The following ITGA3 variants were observed in gnomAD, a reference collection of about 807,000 sequenced individuals.
ITGA3 encodes integrin subunit alpha 3.
In ITGA3, 70 loss-of-function variants were observed where a neutral mutation model predicts 131.1. The ratio of observed to expected loss-of-function variants is 0.53; its 90% confidence interval spans 0.44 to 0.65. ITGA3 has a LOEUF of 0.65. Ranked by LOEUF, ITGA3 falls within the 30% of genes least tolerant of loss-of-function variation. The probability of loss-of-function intolerance (pLI) is 0.00; values close to 1 mark genes in which losing one functional copy is unlikely to be tolerated. For synonymous variants in ITGA3, 537 were observed against 571.6 expected (o/e 0.94, Z 0.86); for missense variants, 1,098 against 1,388.6 (o/e 0.79, Z 3.33).
intron 23 of ITGA3, chr17:50,086,680 C>T (rs887275656): frequency 8.0e-6 from 1 of 124,398 alleles, no homozygotes; most frequent in African/African-American, 2.9e-5. Flanking sequence ...CAGAGCAAAA[C>T]TCCATCTCAA....
rs1302532746 is a variant in ITGA3 at position 50,090,276 on chromosome 17, C to G, written c.*1198C>G. 1 of 456,310 alleles carries G rather than the reference C, an allele frequency of 2.2e-6. No homozygotes were observed. Among genetic ancestry groups the G allele is most frequent in the Non-Finnish European group, 4.4e-6 (1 of 226,882 alleles). 28.3% of individuals were successfully genotyped at this position (456,310 alleles called of 1,614,324 possible). On this transcript the variant is annotated 3_prime_UTR_variant, in exon 26 of 26. Transcript: ENST00000320031. ...TTTCAGAGCCAGCCTGGCTCTGCCC[C>G]CTCCCCCATGGGCTGTGTCCTAAGG...
chr17:50,078,765 C>T, intron 18 of ITGA3, 59 bp from the exon 19 acceptor site: 1 of 998,042 alleles, frequency 1.0e-6, no homozygotes, highest in East Asian at 2.4e-5. Context: ...TGCCCACCCC[C>T]CTCTGCCAGG....
intron 25 of ITGA3, 122 bp from the exon 26 acceptor site, chr17:50,088,988 C>T (rs935351410): frequency 1.1e-5 from 8 of 725,220 alleles, no homozygotes; most frequent in South Asian, 6.3e-5. Context: ...AGATGGGATG[C>T]GTTTCGGTCA....
chr17:50,070,038 G>T (rs1388079215), intron 4 of ITGA3, among the ~76,000 whole-genome samples: 1 of 152,170 alleles, frequency 6.6e-6, no homozygotes, highest in East Asian at 1.9e-4. Context: ...CCCCTCTTCT[G>T]GTCCTGCCTC....
chr17:50,061,130 G>C (rs1280576809), intron 1 of ITGA3, among the ~76,000 whole-genome samples: 1 of 152,104 alleles, frequency 6.6e-6, no homozygotes, highest in Non-Finnish European at 1.5e-5. Flanking sequence ...AATACTCTGG[G>C]GGGGTGAAGC....
At chr17:50,057,135 G>T (rs1186907579) in intron 1 of ITGA3, among the ~76,000 whole-genome samples, 2 of 152,238 alleles carry the variant, frequency 1.3e-5, no homozygotes, top group Non-Finnish European at 2.9e-5. Flanking sequence ...CTTCTCAACC[G>T]CTGGCTTGGC....
In ITGA3 at chr17:50,068,161, A is replaced by G. The variant is rs771415485; in HGVS notation, c.520A>G (p.Ser174Gly). 2 of 1,614,230 alleles carry G rather than the reference A, an allele frequency of 1.2e-6. No individual in the cohort carries two copies. Among genetic ancestry groups the G allele is most frequent in the South Asian group, 1.1e-5 (1 of 91,088 alleles). Residue 174 changes from serine (S) to glycine (G), a missense_variant, in exon 4 of 26, where the codon AGT (serine) becomes GGT (glycine). This residue lies in a region of ITGA3 where 356 missense variants were observed against 529.2 expected (regional missense o/e 0.67). Coordinates refer to ENST00000320031, the MANE Select transcript of ITGA3 (RefSeq NM_002204.4). ...VRGNDLELDSSDDWQTYHNEM... is the reference protein window; with the variant it reads ...VRGNDLELDSGDDWQTYHNEM... The stretch of plus-strand genomic sequence containing the variant: ...AGGCAATGACCTAGAGCTGGACTCC[A>G]GTGATGACTGGCAGACCTACCACAA...
At position 50,056,459 on chromosome 17, in the gene ITGA3, G is replaced by C; in HGVS notation, c.20G>C (p.Arg7Pro). MGPGPS[R>P]APRAPRLMLC... ...GCAGCCATGGGCCCCGGCCCCAGCCGCGCGCCCCGCGCCCCACGCCTGATG... is the reference window on the plus strand; with the variant it reads ...GCAGCCATGGGCCCCGGCCCCAGCCCCGCGCCCCGCGCCCCACGCCTGATG... The change falls in exon 1 of 26, where the codon CGC becomes CCC. Residue 7 changes from arginine (R) to proline (P), a missense_variant. By Grantham distance (103) the Arg-to-Pro change is moderately radical (BLOSUM62 -2). Coordinates refer to ENST00000320031, the MANE Select transcript of ITGA3 (RefSeq NM_002204.4). This position sits in a 1 kb window ranked among gnomAD's most constrained non-coding sequence, Gnocchi z 5.6. 1 of 1,535,196 alleles carries C rather than the reference G, an allele frequency of 6.5e-7. No individual in the cohort carries two copies. The highest frequency in any genetic ancestry group is 2.5e-5 in the East Asian group (1 of 39,348).
intron 1 of ITGA3, among the ~76,000 whole-genome samples, chr17:50,061,096 T>C (rs543724766): frequency 1.0e-3 from 157 of 152,018 alleles, no homozygotes; most frequent in Non-Finnish European, 1.7e-3. Flanking sequence ...AAAGGGCCTC[T>C]GAGTGGGCCA....
chr17:50,056,614 C>A lies in ITGA3; in HGVS notation c.175C>A (p.His59Asn). Residue 59 changes from histidine (H) to asparagine (N), a missense_variant, in exon 1 of 26, where the codon CAT becomes AAT. Physicochemically the swap from His to Asn is moderately conservative, Grantham distance 68 (BLOSUM62 1). Coordinates refer to ENST00000320031, the MANE Select transcript of ITGA3 (RefSeq NM_002204.4). The surrounding 1 kb of genome is among the most constrained non-coding windows in gnomAD (Gnocchi z 5.6). ...CCTCTTCGGCTACTCGGTCGCCCTC[C>A]ATCGGCAGACAGAGCGGCAGCAGCG... ...GSLFGYSVAL[H>N]RQTERQQRYL... 2 of 1,602,172 alleles carry A rather than the reference C, an allele frequency of 1.2e-6. No individual in the cohort carries two copies. Among genetic ancestry groups the A allele is most frequent in the East Asian group, 4.5e-5 (2 of 44,336 alleles).
At position 50,056,955 on chromosome 17, in the gene ITGA3, C is replaced by G. The variant is rs983406011; in HGVS notation, c.206+310C>G. ...CATTCTGTGAACCGAGTACCCAGCA[C>G]TAGCCTGTTCTCTCCAGGGCTGGGA... On this transcript the variant is annotated intron_variant, in intron 1 of 25. Transcript: ENST00000320031. This position sits in a 1 kb window ranked among gnomAD's most constrained non-coding sequence, Gnocchi z 5.6. Among the ~76,000 whole-genome samples, 1 of 152,200 alleles carries G rather than the reference C, an allele frequency of 6.6e-6. No homozygotes were observed. Among genetic ancestry groups the G allele is most frequent in the African/African-American group, 2.4e-5 (1 of 41,448 alleles).
At chr17:50,083,244 CA>C (rs1290111216) in intron 23 of ITGA3, among the ~76,000 whole-genome samples, 12 of 152,122 alleles carry the variant, frequency 7.9e-5, no homozygotes, top group Non-Finnish European at 2.9e-5. Context: ...AACAAAAATA[CA>C]GTTAGATTAA....
Position 50,075,509 on chromosome 17 carries a change from A to G in ITGA3, c.1520A>G (p.Asn507Ser). The G allele has an allele frequency of 3.1e-6, 5 of 1,614,208 alleles. No individual in the cohort carries two copies. Among genetic ancestry groups the G allele is most frequent in the South Asian group, 1.1e-5 (1 of 91,086 alleles). The change falls in exon 11 of 26, where the codon AAC (asparagine) becomes AGC (serine). Residue 507 changes from asparagine to serine, a missense_variant. Asn to Ser is a conservative substitution (Grantham distance 46). This residue lies in a region of ITGA3 where 699 missense variants were observed against 829.2 expected (regional missense o/e 0.84). Transcript: ENST00000320031. ...TACAACCAGAGTGCCGGGAACCCCAACTACAGGCGAAACATCAGTGAGTGC... is the reference window on the plus strand; with the variant it reads ...TACAACCAGAGTGCCGGGAACCCCAGCTACAGGCGAAACATCAGTGAGTGC... ...FAYNQSAGNP[N>S]YRRNITLAYT...
intron 7 of ITGA3, among the ~76,000 whole-genome samples, 200 bp downstream of exon 7, chr17:50,072,382 G>C (rs1217287133): frequency 6.6e-6 from 1 of 152,174 alleles, no homozygotes; most frequent in Non-Finnish European, 1.5e-5. Flanking sequence ...CAAGCTCAGT[G>C]GGCCTCCTGG....
chr17:50,090,350 G>A lies in ITGA3; in HGVS notation c.*1272G>A, dbSNP rs1047082843. ...TTCCAGAAAACCTCTCCTGACCCCT[G>A]CCTGTTGGCAGGCCCACTCCCCAGC... On this transcript the variant is annotated 3_prime_UTR_variant, in exon 26 of 26. Coordinates refer to ENST00000320031, the MANE Select transcript of ITGA3 (RefSeq NM_002204.4). 1 of 426,232 alleles carries A rather than the reference G, an allele frequency of 2.3e-6. No homozygotes were observed. The highest frequency in any genetic ancestry group is 4.9e-6 in the Non-Finnish European group (1 of 204,624). 26.4% of individuals were successfully genotyped at this position (426,232 alleles called of 1,614,324 possible).
Position 50,072,218 on chromosome 17 carries a change from C to T in ITGA3, c.1156+36C>T, listed in dbSNP as rs377253057. On this transcript the variant is annotated intron_variant, in intron 7 of 25. Transcript: ENST00000320031. ...GCACTCCTCCCCCAGCACCCCTCCT[C>T]CAGCACCCCTCCTCCCAGCACCCCT... The T allele has an allele frequency of 3.5e-4, 543 of 1,564,426 alleles. 1 individual carries two copies. Among genetic ancestry groups the T allele is most frequent in the Middle Eastern group, 8.8e-4 (4 of 4,526 alleles).
Position 50,068,063 on chromosome 17 carries a change from CCCA to C in ITGA3, c.425_427del (p.His142del). The C allele has an allele frequency of 6.2e-7, 1 of 1,613,950 alleles. No individual in the cohort carries two copies. Among genetic ancestry groups the C allele is most frequent in the Non-Finnish European group, 8.5e-7 (1 of 1,180,032 alleles). ...TGTTTGGGGGGTCCCCAGGTCTGTG[CCCA>C]CCGCTACACCCAGGTGCTGTGGTCA... On this transcript the variant is annotated inframe_deletion, in exon 4 of 26. Transcript: ENST00000320031.
chr17:50,090,091 C>A lies in ITGA3; in HGVS notation c.*1013C>A. 1 of 350,358 alleles carries A rather than the reference C, an allele frequency of 2.9e-6. No individual in the cohort carries two copies. Among genetic ancestry groups the A allele is most frequent in the Non-Finnish European group, 5.9e-6 (1 of 169,730 alleles). 21.7% of individuals were successfully genotyped at this position (350,358 alleles called of 1,614,324 possible). A position where few individuals can be genotyped will look rare whatever the true frequency, so the allele number is the denominator to read the frequency against. ...GATGCCACTTCTCACTCACCACTAC[C>A]AGCCAGCCTCAGAAGGCCCCAGAGA... On this transcript the variant is annotated 3_prime_UTR_variant, in exon 26 of 26. Coordinates refer to ENST00000320031, the MANE Select transcript of ITGA3 (RefSeq NM_002204.4).
At chr17:50,060,494 G>C (rs967748238) in intron 1 of ITGA3, among the ~76,000 whole-genome samples, 1 of 152,216 alleles carries the variant, frequency 6.6e-6, no homozygotes, top group Non-Finnish European at 1.5e-5. Context: ...ACTGCCCCAA[G>C]GGGAGTGATA....
Sources: allele counts gnomAD v4.1 joint callset (sites outside exome capture counted in the v4.1 genomes callset), GRCh38; gene constraint gnomAD v4.1.1; regional missense constraint gnomAD v4.1.1; non-coding constraint Gnocchi (gnomAD v3.1); transcripts MANE v1.5; gene names NCBI Gene and HGNC (gene_info 2026-07-23, HGNC 2026-07-21).